The following AOAH variants were observed in gnomAD, a reference collection of about 807,000 sequenced individuals.
AOAH encodes acyloxyacyl hydrolase.
Under a neutral mutation model 92.2 loss-of-function variants are expected in AOAH, and 64 were observed. The ratio of observed to expected loss-of-function variants is 0.69; its 90% confidence interval spans 0.57 to 0.86. The LOEUF (loss-of-function observed/expected upper bound fraction) is 0.86, where lower values mean the gene tolerates loss of function less well. AOAH is among the 40% of genes least tolerant of loss of function. The pLI is 0.00. For missense variants in AOAH, 656 were observed against 694.6 expected, an observed-to-expected ratio of 0.94 and a Z score of 0.62; for synonymous variants, 263 against 254.5, an observed-to-expected ratio of 1.03 and a Z score of -0.32.
intron 3 of AOAH, among the ~76,000 whole-genome samples, chr7:36,672,065 G>T (rs962413898): frequency 6.6e-6 from 1 of 152,184 alleles, no homozygotes; most frequent in Non-Finnish European, 1.5e-5. Context: ...CTGTTAGGAG[G>T]CAGTGGCAAT....
At chr7:36,541,701 C>G (rs1785437511) in intron 15 of AOAH, among the ~76,000 whole-genome samples, 1 of 152,156 alleles carries the variant, frequency 6.6e-6, no homozygotes, top group Non-Finnish European at 1.5e-5. Context: ...ATCTAAAATA[C>G]AAGTTGAAAT....
At chr7:36,696,124 T>C (rs1461142799) in intron 1 of AOAH, among the ~76,000 whole-genome samples, 1 of 152,214 alleles carries the variant, frequency 6.6e-6, no homozygotes, top group South Asian at 2.1e-4. Flanking sequence ...GGGCTTCCTA[T>C]TTTGTATCAC....
At chr7:36,631,095 C>T (rs1793045795) in intron 6 of AOAH, among the ~76,000 whole-genome samples, 1 of 152,194 alleles carries the variant, frequency 6.6e-6, no homozygotes, top group Non-Finnish European at 1.5e-5. Context: ...CCTGTAATCC[C>T]AGCACTTTGG....
chr7:36,594,297 A>C, intron 12 of AOAH, 42 bp downstream of exon 12: 1 of 1,471,970 alleles, frequency 6.8e-7, no homozygotes. Context: ...CTTTCCTTAC[A>C]CAGAGGTATT....
At chr7:36,677,182 T>C (rs1415004909) in intron 2 of AOAH, among the ~76,000 whole-genome samples, 1 of 152,172 alleles carries the variant, frequency 6.6e-6, no homozygotes, top group Admixed American at 6.5e-5. Flanking sequence ...TTGCCAATCA[T>C]ATATCAAATG....
At chr7:36,581,451 A>G (rs568728341) in intron 12 of AOAH, among the ~76,000 whole-genome samples, 2 of 152,336 alleles carry the variant, frequency 1.3e-5, no homozygotes, top group Non-Finnish European at 2.9e-5. Flanking sequence ...TGAAATGGAT[A>G]CCTTATACAC....
intron 13 of AOAH, among the ~76,000 whole-genome samples, chr7:36,568,735 C>G (rs182731259): frequency 6.6e-6 from 1 of 152,196 alleles, no homozygotes; most frequent in Non-Finnish European, 1.5e-5. Context: ...CGTTTCTCTT[C>G]TCCCCTCCCC....
At chr7:36,664,582 G>A (rs1021484516) in intron 3 of AOAH, among the ~76,000 whole-genome samples, 1 of 151,982 alleles carries the variant, frequency 6.6e-6, no homozygotes, top group Non-Finnish European at 1.5e-5. Context: ...CTTCAATATT[G>A]TGTCGACCAT....
At chr7:36,630,520 C>T (rs986968494) in intron 6 of AOAH, among the ~76,000 whole-genome samples, 5 of 152,248 alleles carry the variant, frequency 3.3e-5, no homozygotes, top group African/African-American at 4.8e-5. Context: ...TACTAGAAGG[C>T]GAGCAATGGG....
chr7:36,637,042 G>A (rs933181200), intron 5 of AOAH, among the ~76,000 whole-genome samples: 12 of 152,176 alleles, frequency 7.9e-5, no homozygotes, highest in African/African-American at 2.7e-4. Context: ...GGATAATGTC[G>A]TGCTTTAAAG....
chr7:36,530,379 GC>G (rs780106237), intron 19 of AOAH, 38 bp downstream of exon 19: 1 of 1,450,412 alleles, frequency 6.9e-7, no homozygotes, highest in East Asian at 2.3e-5. Flanking sequence ...ACTAGCTGCT[GC>G]TTTCATCTTC....
chr7:36,542,765 C>T (rs1205186159), intron 15 of AOAH, among the ~76,000 whole-genome samples: 1 of 152,096 alleles, frequency 6.6e-6, no homozygotes, highest in Non-Finnish European at 1.5e-5. Flanking sequence ...TTATGGTACA[C>T]CCATGCAATA....
chr7:36,644,145 G>C (rs1339479916), intron 4 of AOAH, among the ~76,000 whole-genome samples: 1 of 152,148 alleles, frequency 6.6e-6, no homozygotes, highest in Non-Finnish European at 1.5e-5. Context: ...AGTTTAGAAA[G>C]TGTTAAGTAG....
intron 6 of AOAH, among the ~76,000 whole-genome samples, chr7:36,628,078 C>A (rs997814475): frequency 6.6e-6 from 1 of 152,022 alleles, no homozygotes; most frequent in African/African-American, 2.4e-5. Context: ...GAAGGGCACA[C>A]CTGCCTATAG....
At chr7:36,553,592 C>A (rs1786450764) in intron 13 of AOAH, among the ~76,000 whole-genome samples, 1 of 152,110 alleles carries the variant, frequency 6.6e-6, no homozygotes, top group African/African-American at 2.4e-5. Context: ...AACTAGTTTA[C>A]AGTCCCACCA....
At chr7:36,675,286 G>A (rs1796181254) in intron 2 of AOAH, among the ~76,000 whole-genome samples, 1 of 152,198 alleles carries the variant, frequency 6.6e-6, no homozygotes, top group Non-Finnish European at 1.5e-5. Context: ...TTGTGCCTTT[G>A]AAGTAGGCAA....
At chr7:36,596,970 A>ATATTT in intron 11 of AOAH, among the ~76,000 whole-genome samples, 1 of 152,158 alleles carries the variant, frequency 6.6e-6, no homozygotes, top group Non-Finnish European at 1.5e-5. Context: ...ATCCCATGAT[A>ATATTT]TCCTGTATAT....
At chr7:36,718,088 T>C (rs1799359195) in intron 1 of AOAH, among the ~76,000 whole-genome samples, 2 of 152,100 alleles carry the variant, frequency 1.3e-5, no homozygotes, top group East Asian at 1.9e-4. Flanking sequence ...CTAGAATATA[T>C]GGAGAATTTT....
rs374998032 is a variant in AOAH, at chr7:36,660,893, T to G, written c.291-1628A>C. ...TAAGTAAAAACTCTACTTATATACTTCTTTAAGTATAAACTCTACTTATAT... is the reference window on the plus strand; with the variant it reads ...TAAGTAAAAACTCTACTTATATACTGCTTTAAGTATAAACTCTACTTATAT... On this transcript the variant is annotated intron_variant, in intron 3 of 20. Transcript: ENST00000617537. The G allele has an allele frequency of 7.2e-5, 11 of 152,292 alleles. No homozygotes were observed. The East Asian group carries it at 1.9e-3, about 27-fold the overall frequency. The allele number at this position is 152,292 out of a possible 1,614,324, so 9.4% of individuals were successfully genotyped here. A position where few individuals can be genotyped will look rare whatever the true frequency, so the allele number is the denominator to read the frequency against.
Sources: allele counts gnomAD v4.1 joint callset (sites outside exome capture counted in the v4.1 genomes callset), GRCh38; gene constraint gnomAD v4.1.1; transcripts MANE v1.5; gene names NCBI Gene and HGNC (gene_info 2026-07-23, HGNC 2026-07-21).